The following ELP3 variants were observed in gnomAD, a reference collection of about 807,000 sequenced individuals.
ELP3 encodes elongator complex protein 3.
ELP3 carries 56 observed loss-of-function variants against 74.9 expected under a neutral mutation model. The observed-to-expected ratio is 0.75, with a 90% CI of 0.60 to 0.93. The LOEUF is 0.93. ELP3 is among the 40% of genes least tolerant of loss of function. The pLI, the probability that ELP3 is intolerant of heterozygous loss-of-function variation, is 0.00. For missense variants in ELP3, 573 were observed against 686.5 expected (o/e 0.83, Z 1.85); for synonymous variants, 222 against 239.8 (o/e 0.93, Z 0.68).
upstream of ELP3, chr8:28,092,855 C>G (rs1270683894): frequency 3.4e-6 from 1 of 296,494 alleles, no homozygotes; most frequent in East Asian, 1.1e-4. Flanking sequence ...CATCCACTTC[C>G]ACCCTTTCAC....
chr8:28,139,023 A>G (rs1219531411), intron 10 of ELP3, among the ~76,000 whole-genome samples: 1 of 152,160 alleles, frequency 6.6e-6, no homozygotes, highest in African/African-American at 2.4e-5. Context: ...AGGTATCCAC[A>G]TGCAGGAGGC....
At chr8:28,189,610 A>G in intron 14 of ELP3, 39 bp from the exon 15 acceptor site, 1 of 1,606,968 alleles carries the variant, frequency 6.2e-7, no homozygotes, top group Non-Finnish European at 8.5e-7. Flanking sequence ...GAGAATTGCT[A>G]AAGTGAATGC....
At chr8:28,112,085 C>T (rs1213895636) in intron 6 of ELP3, among the ~76,000 whole-genome samples, 2 of 151,854 alleles carry the variant, frequency 1.3e-5, no homozygotes, top group Non-Finnish European at 2.9e-5. Flanking sequence ...TTATTGTAGT[C>T]AACAAAATGA....
intron 10 of ELP3, among the ~76,000 whole-genome samples, chr8:28,150,927 G>A (rs769159259): frequency 3.7e-4 from 57 of 152,052 alleles, no homozygotes; most frequent in Non-Finnish European, 7.1e-4. Context: ...CCAAATAATC[G>A]GGACTACAGG....
At chr8:28,122,091 G>T (rs1420747414) in intron 7 of ELP3, among the ~76,000 whole-genome samples, 1 of 151,974 alleles carries the variant, frequency 6.6e-6, no homozygotes, top group Non-Finnish European at 1.5e-5. Flanking sequence ...TCCTTTATTT[G>T]GTAATATGGA....
chr8:28,093,055 G>A, upstream of ELP3: 1 of 1,182,342 alleles, frequency 8.5e-7, no homozygotes, highest in Non-Finnish European at 1.2e-6. Context: ...ACACGGGGCG[G>A]GGCGTGGCTT....
At chr8:28,166,175 C>T (rs1814298979) in intron 14 of ELP3, among the ~76,000 whole-genome samples, 1 of 152,144 alleles carries the variant, frequency 6.6e-6, no homozygotes, top group Non-Finnish European at 1.5e-5. Context: ...TGAAATGTCA[C>T]CCTGCCCTGC....
chr8:28,163,029 C>T (rs1040491060), intron 14 of ELP3, among the ~76,000 whole-genome samples: 2 of 152,170 alleles, frequency 1.3e-5, no homozygotes, highest in African/African-American at 2.4e-5. Context: ...GCCAAGACAC[C>T]GTCTTTTGCG....
At chr8:28,176,474 C>T (rs996928911) in intron 14 of ELP3, among the ~76,000 whole-genome samples, 13 of 152,112 alleles carry the variant, frequency 8.5e-5, no homozygotes, top group African/African-American at 2.7e-4. Flanking sequence ...CCTGTGGCTA[C>T]GGTGGAGCTA....
rs749354833 is a variant in ELP3, at chr8:28,160,273, A to G, written c.1302A>G (p.Glu434=). The G allele has an allele frequency of 6.2e-7, 1 of 1,614,184 alleles. No individual in the cohort carries two copies. Among genetic ancestry groups the G allele is most frequent in the Non-Finnish European group, 8.5e-7 (1 of 1,180,020 alleles). The change falls in exon 13 of 15, where the codon GAA becomes GAG. Residue 434 remains glutamate, a synonymous_variant. Coordinates refer to ENST00000256398, the MANE Select transcript of ELP3 (RefSeq NM_018091.6). ...ATTATGTTGCAAATGGTGGCTGGGAAACATTCTTGTCATACGAAGACCCAG... is the reference window on the plus strand; with the variant it reads ...ATTATGTTGCAAATGGTGGCTGGGAGACATTCTTGTCATACGAAGACCCAG... ...RRDYVANGGW[E]TFLSYEDPDQ...
intron 3 of ELP3, among the ~76,000 whole-genome samples, chr8:28,102,798 T>C (rs964369726): frequency 6.6e-6 from 1 of 152,216 alleles, no homozygotes; most frequent in African/African-American, 2.4e-5. Flanking sequence ...GTGTTCTACA[T>C]TCTGTAGGTT....
chr8:28,098,565 CTTTAA>C (rs1432519785), intron 2 of ELP3, among the ~76,000 whole-genome samples: 1 of 152,046 alleles, frequency 6.6e-6, no homozygotes, highest in Non-Finnish European at 1.5e-5. Flanking sequence ...TTGTTGTTCT[CTTTAA>C]TTTAGCACAT....
chr8:28,130,814 C>G (rs554178646), intron 8 of ELP3, among the ~76,000 whole-genome samples: 1 of 152,196 alleles, frequency 6.6e-6, no homozygotes, highest in African/African-American at 2.4e-5. Context: ...AGTGCCATAG[C>G]ACATTTGAGG....
intron 7 of ELP3, 76 bp downstream of exon 7, chr8:28,113,249 C>A: frequency 8.9e-7 from 1 of 1,128,052 alleles, no homozygotes; most frequent in Non-Finnish European, 1.2e-6. Flanking sequence ...TACGAGAATG[C>A]CTTCTGCCCT....
chr8:28,137,998 G>A (rs1469628934), intron 10 of ELP3, 107 bp downstream of exon 10: 1 of 1,051,828 alleles, frequency 9.5e-7, no homozygotes, highest in Non-Finnish European at 1.3e-6. Context: ...TTTCTTAATG[G>A]AAATAAGATA....
In ELP3 at chr8:28,099,895, G is replaced by C; in HGVS notation, c.187G>C (p.Ala63Pro). 6.2e-7 allele frequency: 1 copy of C among 1,614,198 alleles called. No individual in the cohort carries two copies. Among genetic ancestry groups the C allele is most frequent in the Non-Finnish European group, 8.5e-7 (1 of 1,180,044 alleles). The part of the protein sequence containing the change: ...AQPRLVDIIA[A>P]VPPQYRKVLM... ...GCCCCGCCTGGTGGATATCATTGCT[G>C]CCGTCCCTCCTCAGTATCGCAAGGT... Residue 63 changes from alanine to proline, a missense_variant, in exon 3 of 15, where the codon GCC (alanine) becomes CCC (proline). Transcript: ENST00000256398.
At position 28,156,717 on chromosome 8, in the gene ELP3, CTGTT is replaced by C. The variant is rs1454019421; in HGVS notation, c.1191+690_1191+693del. Among the ~76,000 whole-genome samples, 4 of 152,182 alleles carry C rather than the reference CTGTT, an allele frequency of 2.6e-5. No homozygotes were observed. In the East Asian group the frequency reaches 5.8e-4, roughly 22 times the overall value. On this transcript the variant is annotated intron_variant, in intron 11 of 14. Transcript: ENST00000256398. ...ATCAGTAGATTGGGATGGGACCTATCTGTTTGTTATCCAGCACTAGGTACATGGT... is the reference window on the plus strand; with the variant it reads ...ATCAGTAGATTGGGATGGGACCTATCTGTTATCCAGCACTAGGTACATGGT...
chr8:28,103,199 A>G (rs1341892977), intron 3 of ELP3, among the ~76,000 whole-genome samples: 2 of 151,792 alleles, frequency 1.3e-5, no homozygotes, highest in Non-Finnish European at 2.9e-5. Flanking sequence ...CAAACAAACA[A>G]AAACAGCTCC....
upstream of ELP3, among the ~76,000 whole-genome samples, chr8:28,091,153 A>G (rs901034096): frequency 4.6e-5 from 7 of 151,634 alleles, no homozygotes; most frequent in South Asian, 2.1e-4. Context: ...TGATCCGCCC[A>G]CCTCGGCCTC....
Sources: gnomAD v4.1 joint callset for allele counts (sites outside exome capture counted in the v4.1 genomes callset) on GRCh38, gnomAD v4.1.1 for gene constraint, MANE v1.5 for transcripts, NCBI Gene and HGNC (gene_info 2026-07-23, HGNC 2026-07-21) for gene names.